The following RALGPS1 variants were observed in gnomAD, a reference collection of about 807,000 sequenced individuals.
The protein encoded by RALGPS1 is Ral GEF with PH domain and SH3 binding motif 1, also known as ras-specific guanine nucleotide-releasing factor RalGPS1.
A neutral mutation model predicts 78.8 loss-of-function variants in RALGPS1; 19 were observed. That is an observed-to-expected ratio of 0.24 (90% CI 0.17 to 0.35). The LOEUF is 0.35. RALGPS1 is among the 10% of genes least tolerant of loss of function. The pLI is 1.00. For missense variants in RALGPS1, 454 were observed against 688.3 expected (o/e 0.66, Z 3.81); for synonymous variants, 228 against 256.3 (o/e 0.89, Z 1.06).
At chr9:126,986,957 T>C (rs1474793232) in intron 4 of RALGPS1, among the ~76,000 whole-genome samples, 1 of 152,202 alleles carries the variant, frequency 6.6e-6, no homozygotes, top group Non-Finnish European at 1.5e-5. Flanking sequence ...TGTAAGAACT[T>C]AGCGCGGTGC....
At chr9:127,005,374 A>G (rs2043741058) in intron 4 of RALGPS1, among the ~76,000 whole-genome samples, 1 of 152,266 alleles carries the variant, frequency 6.6e-6, no homozygotes, top group Non-Finnish European at 1.5e-5. Flanking sequence ...GTCTGTGCAC[A>G]GATGAAGCAT....
intron 1 of RALGPS1, among the ~76,000 whole-genome samples, chr9:126,949,800 AG>A: frequency 6.6e-6 from 1 of 151,500 alleles, no homozygotes; most frequent in South Asian, 2.1e-4. Flanking sequence ...TTTGCTGTGC[AG>A]AAGCTCTTTA....
intron 8 of RALGPS1, 37 bp from the exon 9 acceptor site, chr9:127,166,032 A>C (rs773037591): frequency 6.3e-7 from 1 of 1,581,986 alleles, no homozygotes; most frequent in South Asian, 1.1e-5. Flanking sequence ...GTTTGTGGTA[A>C]GCTCCTTCCA....
At chr9:126,933,582 C>A (rs192744085) in intron 1 of RALGPS1, among the ~76,000 whole-genome samples, 1 of 152,240 alleles carries the variant, frequency 6.6e-6, no homozygotes, top group Non-Finnish European at 1.5e-5. Context: ...CAGTGGATGC[C>A]TTTATCAGAT....
chr9:127,022,577 C>G (rs1363116511), intron 4 of RALGPS1, among the ~76,000 whole-genome samples: 1 of 152,104 alleles, frequency 6.6e-6, no homozygotes, highest in Non-Finnish European at 1.5e-5. Flanking sequence ...GCCTCCCACC[C>G]CTGTCCTGTC....
At chr9:126,958,335 G>C (rs1028535888) in intron 1 of RALGPS1, among the ~76,000 whole-genome samples, 7 of 151,782 alleles carry the variant, frequency 4.6e-5, no homozygotes, top group Non-Finnish European at 8.8e-5. Flanking sequence ...ATAATTGTAT[G>C]ATTTTTAGGG....
At chr9:127,203,520 G>A (rs1477211326) in intron 14 of RALGPS1, among the ~76,000 whole-genome samples, 1 of 152,146 alleles carries the variant, frequency 6.6e-6, no homozygotes. Context: ...AGGGGATGGG[G>A]GGGTCCTTGG....
At position 127,050,141 on chromosome 9, in the gene RALGPS1, T is replaced by A. The variant is rs751074962; in HGVS notation, c.390+9T>A. On this transcript the variant is annotated intron_variant, in intron 6 of 18. Coordinates refer to ENST00000259351, the MANE Select transcript of RALGPS1 (RefSeq NM_014636.3). Reference sequence around the variant, plus strand: ...TTGTGAAAATAGCCAAGGTAAGCTTTTTATTATTATTTTTCCTTCCTTTCC... The same window carrying A: ...TTGTGAAAATAGCCAAGGTAAGCTTATTATTATTATTTTTCCTTCCTTTCC... 1.3e-6 allele frequency: 2 copies of A among 1,587,612 alleles called. No individual in the cohort carries two copies. Among genetic ancestry groups the A allele is most frequent in the African/African-American group, 2.7e-5 (2 of 74,232 alleles).
intron 8 of RALGPS1, among the ~76,000 whole-genome samples, chr9:127,148,735 CAA>C (rs1440041958): frequency 2.0e-5 from 3 of 152,198 alleles, no homozygotes; most frequent in African/African-American, 7.2e-5. Context: ...CTTCCCCAAA[CAA>C]GAGAGTCCAT....
In RALGPS1 at chr9:127,168,567, G is replaced by C. The variant is rs536578349; in HGVS notation, c.749-112G>C. On this transcript the variant is annotated intron_variant, in intron 9 of 18. Transcript: ENST00000259351. ...GAGCATCAGCAACTGCTGGAAGAGT[G>C]AATGAGTCTCAGTATCCTGGGAGCA... 147 of 773,610 alleles carry C rather than the reference G, an allele frequency of 1.9e-4. 1 individual carries two copies. Among genetic ancestry groups the C allele is most frequent in the Non-Finnish European group, 2.9e-4 (129 of 443,672 alleles). The allele number at this position is 773,610 out of a possible 1,614,324, so 47.9% of individuals were successfully genotyped here.
intron 1 of RALGPS1, among the ~76,000 whole-genome samples, chr9:126,940,500 C>T (rs1481297524): frequency 2.8e-5 from 4 of 144,386 alleles, no homozygotes; most frequent in Admixed American, 7.2e-5. Context: ...AGTGCAGTGG[C>T]GCGATCTTGG....
intron 5 of RALGPS1, among the ~76,000 whole-genome samples, chr9:127,047,718 A>G (rs1191808662): frequency 6.6e-6 from 1 of 151,832 alleles, no homozygotes. Flanking sequence ...AAAAAAGGAA[A>G]AAAAGACTAG....
chr9:126,952,324 T>A (rs887661074), intron 1 of RALGPS1, among the ~76,000 whole-genome samples: 1 of 151,910 alleles, frequency 6.6e-6, no homozygotes, highest in African/African-American at 2.4e-5. Context: ...GGATGCTGAG[T>A]GGTGTAGTTT....
chr9:126,983,403 T>G (rs2041507740), intron 4 of RALGPS1, among the ~76,000 whole-genome samples: 1 of 152,208 alleles, frequency 6.6e-6, no homozygotes, highest in African/African-American at 2.4e-5. Context: ...TTTTTATTTA[T>G]TCCTGGAAAT....
chr9:127,059,653 C>A (rs555082672), intron 7 of RALGPS1, among the ~76,000 whole-genome samples: 21 of 152,144 alleles, frequency 1.4e-4, no homozygotes, highest in Middle Eastern at 3.4e-3. Context: ...ACCTCCTGTA[C>A]CCCAGTGATG....
At chr9:126,962,886 C>T (rs572386205) in intron 2 of RALGPS1, among the ~76,000 whole-genome samples, 2 of 152,280 alleles carry the variant, frequency 1.3e-5, no homozygotes, top group South Asian at 4.1e-4. Context: ...ATGCCACCAC[C>T]CTATTGTGTG....
At chr9:127,134,840 A>G (rs966193594) in intron 8 of RALGPS1, among the ~76,000 whole-genome samples, 1 of 152,216 alleles carries the variant, frequency 6.6e-6, no homozygotes, top group African/African-American at 2.4e-5. Context: ...AGTAATCATT[A>G]TAATGTCTGT....
At chr9:127,198,516 T>C (rs1460710844) in intron 13 of RALGPS1, among the ~76,000 whole-genome samples, 2 of 152,194 alleles carry the variant, frequency 1.3e-5, no homozygotes, top group Non-Finnish European at 2.9e-5. Flanking sequence ...CCAGCCCCTC[T>C]CTGTGACCCC....
chr9:127,084,199 G>A (rs987064731), intron 8 of RALGPS1, among the ~76,000 whole-genome samples: 1 of 152,084 alleles, frequency 6.6e-6, no homozygotes, highest in Admixed American at 6.5e-5. Flanking sequence ...AGTTCTGGGA[G>A]GCGTGAGCCA....
Sources: allele counts gnomAD v4.1 joint callset (sites outside exome capture counted in the v4.1 genomes callset), GRCh38; gene constraint gnomAD v4.1.1; transcripts MANE v1.5; gene names NCBI Gene and HGNC (gene_info 2026-07-23, HGNC 2026-07-21).